Variants in SAFB2 observed in about 807,000 individuals in gnomAD.
SAFB2 encodes the protein scaffold attachment factor B2.
Under a neutral mutation model 100.6 loss-of-function variants are expected in SAFB2, and 32 were observed. That is an observed-to-expected ratio of 0.32 (90% CI 0.24 to 0.43). The LOEUF (loss-of-function observed/expected upper bound fraction) is 0.43. Ranked by LOEUF, SAFB2 falls within the 20% of genes least tolerant of loss-of-function variation. The pLI, the probability that SAFB2 is intolerant of heterozygous loss-of-function variation, is 1.00. For missense variants in SAFB2, 1,185 were observed against 1,163.4 expected, an observed-to-expected ratio of 1.02 and a Z score of -0.27; for synonymous variants, 500 against 439.4, an observed-to-expected ratio of 1.14 and a Z score of -1.72.
intron 5 of SAFB2, 32 bp from the exon 6 acceptor site, chr19:5,612,599 TCACTTTAAAC>T: frequency 6.3e-7 from 1 of 1,595,586 alleles, no homozygotes; most frequent in Non-Finnish European, 8.6e-7. Flanking sequence ...AATCCACAAG[TCACTTTAAAC>T]ACGGGGCACA....
intron 17 of SAFB2, 116 bp downstream of exon 17, chr19:5,591,632 C>T (rs1161113506): frequency 1.2e-5 from 11 of 910,850 alleles, no homozygotes; most frequent in East Asian, 2.6e-5. Context: ...ACCCGCCACA[C>T]GTGCTGACTT....
At position 5,604,669 on chromosome 19, in the gene SAFB2, C is replaced by A. The variant is rs1370818764; in HGVS notation, c.1473G>T (p.Lys491Asn). The change falls in exon 11 of 21, where the codon AAG becomes AAT. Residue 491 changes from lysine to asparagine, a missense_variant. By Grantham distance (94) the Lys-to-Asn change is moderately conservative (BLOSUM62 0). Around this residue, in one of 3 missense-constraint regions of SAFB2, gnomAD observed 740 missense variants for 687.1 expected, o/e 1.08. Transcript: ENST00000252542. Reference protein sequence around the residue: ...EKAKNEPAGKKLSDRKECEVK... With the variant: ...EKAKNEPAGKNLSDRKECEVK... Reference sequence around the variant, plus strand: ...CTTCGCACTCTTTTCTGTCGGAAAGCTTTTTCCCAGCAGGCTCATTTTTGG... The same window carrying A: ...CTTCGCACTCTTTTCTGTCGGAAAGATTTTTCCCAGCAGGCTCATTTTTGG... The A allele has an allele frequency of 6.2e-7, 1 of 1,614,174 alleles. No homozygotes were observed. The highest frequency in any genetic ancestry group is 1.1e-5 in the South Asian group (1 of 91,080).
chr19:5,590,224 C>T, intron 18 of SAFB2, 54 bp downstream of exon 18: 1 of 1,416,802 alleles, frequency 7.1e-7, no homozygotes, highest in Non-Finnish European at 9.3e-7. Context: ...AGGCACCAAC[C>T]TTTTCCCAGG....
chr19:5,620,449 A>G (rs1599286026), intron 2 of SAFB2, among the ~76,000 whole-genome samples: 1 of 152,252 alleles, frequency 6.6e-6, no homozygotes, highest in East Asian at 1.9e-4. Flanking sequence ...TCAAAGCTTC[A>G]AAGTTTTATG....
Position 5,587,387 on chromosome 19 carries a change from A to G in SAFB2, c.2718T>C (p.Phe906=), listed in dbSNP as rs1283776528. The G allele has an allele frequency of 6.2e-7, 1 of 1,612,094 alleles. No individual in the cohort carries two copies. Among genetic ancestry groups the G allele is most frequent in the South Asian group, 1.1e-5 (1 of 90,686 alleles). The change falls in exon 21 of 21, where the codon TTT becomes TTC. Residue 906 remains phenylalanine, a synonymous_variant. Coordinates refer to ENST00000252542, the MANE Select transcript of SAFB2 (RefSeq NM_014649.3). The surrounding 1 kb of genome is among the most constrained non-coding windows in gnomAD (Gnocchi z 4.9). The stretch of plus-strand genomic sequence containing the variant: ...GGCCCTGGGAATGTCCACCTTGTGC[A>G]AAGCCGCCTCGCCTAGGAACAAAGT... ...SRGGVAGRGG[F]AQGGHSQGHV...
intron 13 of SAFB2, among the ~76,000 whole-genome samples, chr19:5,597,228 T>C (rs745371862): frequency 4.3e-4 from 65 of 151,990 alleles, no homozygotes; most frequent in Non-Finnish European, 7.9e-4. Context: ...GAGATTTAAG[T>C]CCCCTCCACA....
rs1231003539 is a variant in SAFB2 at position 5,587,270 on chromosome 19, C to T, written c.2835G>A (p.Pro945=). The T allele has an allele frequency of 3.6e-5, 58 of 1,607,366 alleles. No individual in the cohort carries two copies. Among genetic ancestry groups the T allele is most frequent in the Non-Finnish European group, 4.3e-5 (51 of 1,176,994 alleles). The change falls in exon 21 of 21, where the codon CCG becomes CCA. Residue 945 remains proline, a synonymous_variant. Transcript: ENST00000252542. This position sits in a 1 kb window ranked among gnomAD's most constrained non-coding sequence, Gnocchi z 4.9. The part of the protein sequence containing the change: ...RVPHPHPHPP[P]YPHFTRRY The stretch of plus-strand genomic sequence containing the variant: ...AGTAGCGGCGGGTGAAGTGGGGGTA[C>T]GGGGGGGGATGAGGGTGTGGGTGAG...
In SAFB2 at chr19:5,592,834, T is replaced by C. The variant is rs2052442161; in HGVS notation, c.2261A>G (p.Tyr754Cys). 1 of 1,614,138 alleles carries C rather than the reference T, an allele frequency of 6.2e-7. No individual in the cohort carries two copies. Among genetic ancestry groups the C allele is most frequent in the Non-Finnish European group, 8.5e-7 (1 of 1,180,020 alleles). ...GTCTGGCCGGGGAAAGTCTGCACGATATCGGTCCTCCATTGCCACACGCTT... is the reference window on the plus strand; with the variant it reads ...GTCTGGCCGGGGAAAGTCTGCACGACATCGGTCCTCCATTGCCACACGCTT... Reference protein sequence around the residue: ...EGKRVAMEDRYRADFPRPDHR... With the variant: ...EGKRVAMEDRCRADFPRPDHR... The change falls in exon 16 of 21, where the codon TAT becomes TGT. Residue 754 changes from tyrosine (Y) to cysteine (C), a missense_variant. Physicochemically the swap from Tyr to Cys is radical, Grantham distance 194 (BLOSUM62 -2). This residue lies in a region of SAFB2 where 740 missense variants were observed against 687.1 expected (regional missense o/e 1.08). Transcript: ENST00000252542.
chr19:5,605,536 C>T (rs1229387706), intron 9 of SAFB2, among the ~76,000 whole-genome samples: 1 of 152,238 alleles, frequency 6.6e-6, no homozygotes, highest in South Asian at 2.1e-4. Context: ...ACATTGTTTT[C>T]TCTATTTCCA....
chr19:5,610,976 A>C (rs1035446179), intron 7 of SAFB2, 144 bp downstream of exon 7: 5 of 562,392 alleles, frequency 8.9e-6, no homozygotes, highest in Non-Finnish European at 1.3e-5. Context: ...AAAACACACA[A>C]AGAGAAACGA....
intron 17 of SAFB2, 41 bp downstream of exon 17, chr19:5,591,707 A>C (rs1406753473): frequency 2.5e-6 from 4 of 1,594,904 alleles, no homozygotes; most frequent in Non-Finnish European, 3.4e-6. Flanking sequence ...CCTGCACAGC[A>C]GTACAGTGGC....
At chr19:5,595,725 G>GAGA (rs1160210110) in intron 13 of SAFB2, among the ~76,000 whole-genome samples, 1 of 152,234 alleles carries the variant, frequency 6.6e-6, no homozygotes, top group East Asian at 1.9e-4. Flanking sequence ...ATTCATGGAA[G>GAGA]AGAAGAGGTT....
At chr19:5,595,322 G>A in intron 14 of SAFB2, 39 bp downstream of exon 14, 2 of 1,592,798 alleles carry the variant, frequency 1.3e-6, no homozygotes, top group South Asian at 1.1e-5. Context: ...CACCCCGAGA[G>A]GAAACCACCA....
chr19:5,591,678 C>G, intron 17 of SAFB2, 70 bp downstream of exon 17: 2 of 1,511,664 alleles, frequency 1.3e-6, no homozygotes, highest in Admixed American at 3.4e-5. Flanking sequence ...GGCCGCCTGG[C>G]TAGAAATGGT....
chr19:5,612,525 T>C lies in SAFB2; in HGVS notation c.634+15A>G. The C allele has an allele frequency of 6.2e-7, 1 of 1,610,832 alleles. No individual in the cohort carries two copies. The highest frequency in any genetic ancestry group is 1.1e-5 in the South Asian group (1 of 91,008). On this transcript the variant is annotated intron_variant, in intron 6 of 20. Coordinates refer to ENST00000252542, the MANE Select transcript of SAFB2 (RefSeq NM_014649.3). ...AACTTTCAAACCATAACTGTCGTGT[T>C]TCTCTTATCAGTACCTGGCTCCAAA...
At chr19:5,595,774 A>G (rs1476255852) in intron 13 of SAFB2, among the ~76,000 whole-genome samples, 1 of 152,244 alleles carries the variant, frequency 6.6e-6, no homozygotes, top group African/African-American at 2.4e-5. Context: ...CAGTTCTTCT[A>G]GCATAGCACA....
chr19:5,607,684 G>A (rs571500121), intron 9 of SAFB2, among the ~76,000 whole-genome samples: 5 of 152,204 alleles, frequency 3.3e-5, no homozygotes, highest in African/African-American at 7.2e-5. Flanking sequence ...CCACTGGCGC[G>A]CAGAGTAAAC....
chr19:5,598,596 A>G (rs1460542861), intron 13 of SAFB2, 197 bp downstream of exon 13: 2 of 589,506 alleles, frequency 3.4e-6, no homozygotes, highest in Non-Finnish European at 6.1e-6. Context: ...AAGGGAAGCA[A>G]ACACGGATGG....
At chr19:5,591,905 A>G (rs1057161837) in intron 16 of SAFB2, 112 bp from the exon 17 acceptor site, 9 of 1,019,212 alleles carry the variant, frequency 8.8e-6, no homozygotes, top group African/African-American at 1.6e-5. Context: ...CATAAAAACT[A>G]TAACTGGCCT....
Sources: gnomAD v4.1 joint callset for allele counts (sites outside exome capture counted in the v4.1 genomes callset) on GRCh38, gnomAD v4.1.1 for gene constraint, gnomAD v4.1.1 regional missense constraint, Gnocchi (gnomAD v3.1) non-coding constraint, MANE v1.5 for transcripts, NCBI Gene and HGNC (gene_info 2026-07-23, HGNC 2026-07-21) for gene names.